TECR: variants seen among roughly 807,000 people sequenced by gnomAD.
TECR encodes very-long-chain enoyl-CoA reductase.
Under a neutral mutation model 50.6 loss-of-function variants are expected in TECR, and 19 were observed. The ratio of observed to expected loss-of-function variants is 0.38; its 90% CI spans 0.26 to 0.55. The LOEUF is 0.55. Ranked by LOEUF, TECR falls within the 20% of genes least tolerant of loss-of-function variation. The pLI is 0.79. For synonymous variants in TECR, 168 were observed against 163.5 expected (o/e 1.03, Z -0.21); for missense variants, 313 against 408.3 (o/e 0.77, Z 2.01).
chr19:14,553,044 G>T (rs189254597), intron 1 of TECR, among the ~76,000 whole-genome samples: 9 of 152,158 alleles, frequency 5.9e-5, no homozygotes, highest in African/African-American at 2.2e-4. Flanking sequence ...TGGGGGGCAG[G>T]CCCAGGGCTG....
chr19:14,552,092 G>A (rs1248977843), intron 1 of TECR, among the ~76,000 whole-genome samples: 2 of 149,938 alleles, frequency 1.3e-5, no homozygotes, highest in Non-Finnish European at 3.0e-5. Flanking sequence ...ATCTACCTTG[G>A]CCTCCCAAAG....
intron 1 of TECR, among the ~76,000 whole-genome samples, chr19:14,534,423 CTTTTTTTTTTTTTTTTT>C (rs756051119): frequency 3.8e-5 from 2 of 52,488 alleles, no homozygotes; most frequent in Middle Eastern, 0.019. Flanking sequence ...CATGCCTGGC[CTTTTTTTTTTTTTTTTT>C]TTTTTTTTTT....
intron 1 of TECR, among the ~76,000 whole-genome samples, chr19:14,547,602 T>C (rs2073348621): frequency 6.6e-6 from 1 of 152,032 alleles, no homozygotes; most frequent in Non-Finnish European, 1.5e-5. Flanking sequence ...CCTCAGGTAA[T>C]CCACCTGCCT....
chr19:14,541,178 G>A (rs897380579), intron 1 of TECR, among the ~76,000 whole-genome samples: 12 of 151,954 alleles, frequency 7.9e-5, no homozygotes, highest in East Asian at 1.9e-4. Flanking sequence ...CAGTCTCACC[G>A]TGTTGCCCAG....
chr19:14,543,022 A>G (rs1336085445), intron 1 of TECR, among the ~76,000 whole-genome samples: 1 of 113,212 alleles, frequency 8.8e-6, no homozygotes, highest in Non-Finnish European at 1.7e-5. Flanking sequence ...GAAAGTGAAC[A>G]GGGATCACTG....
intron 1 of TECR, among the ~76,000 whole-genome samples, chr19:14,536,470 A>G (rs35679991): frequency 0.02 from 3,005 of 152,074 alleles, 85 homozygotes; most frequent in African/African-American, 0.064. Flanking sequence ...GGGTTTCACC[A>G]TATTGGCCAG....
rs1599508551 is a variant in TECR at position 14,565,425 on chromosome 19, G to C, written c.753+135G>C. The C allele has an allele frequency of 3.7e-6, 5 of 1,362,790 alleles. No individual in the cohort carries two copies. The East Asian group carries it at 1.2e-4, about 34-fold the overall frequency. 84.4% of individuals were successfully genotyped at this position (1,362,790 alleles called of 1,614,324 possible). A position where few individuals can be genotyped will look rare whatever the true frequency, so the allele number is the denominator to read the frequency against. On this transcript the variant is annotated intron_variant, in intron 11 of 12. Transcript: ENST00000215567. ...GCGAGCATTGGGAGGTGGAGACCGC[G>C]GCCTCTCTGCTGTGGTGGCGGGGAG... is the stretch of plus-strand genomic sequence containing the variant.
intron 1 of TECR, among the ~76,000 whole-genome samples, chr19:14,535,303 C>T (rs888214908): frequency 6.0e-5 from 9 of 151,008 alleles, no homozygotes; most frequent in Middle Eastern, 3.2e-3. Flanking sequence ...GCCAGGAGAT[C>T]GAGACCATCC....
intron 1 of TECR, among the ~76,000 whole-genome samples, chr19:14,545,410 G>GTCTCCTCTC (rs1555732419): frequency 1.3e-5 from 2 of 148,750 alleles, no homozygotes; most frequent in Non-Finnish European, 1.5e-5. Context: ...TGGGCCCTCT[G>GTCTCCTCTC]CACCGCTGTC....
chr19:14,559,410 T>C (rs1419139445), intron 1 of TECR, among the ~76,000 whole-genome samples: 3 of 152,168 alleles, frequency 2.0e-5, no homozygotes, highest in African/African-American at 7.2e-5. Flanking sequence ...TGCATAGATA[T>C]GGGACCTTTG....
intron 1 of TECR, among the ~76,000 whole-genome samples, chr19:14,547,349 TATTTTA>T (rs1423352501): frequency 2.0e-5 from 2 of 101,066 alleles, no homozygotes; most frequent in Admixed American, 1.1e-4. Flanking sequence ...TGGCCTATTT[TATTTTA>T]TTTTATTTTA....
Position 14,563,902 on chromosome 19 carries a change from C to T in TECR, c.266C>T (p.Thr89Met), listed in dbSNP as rs545666123. The stretch of plus-strand genomic sequence containing the variant: ...CTGGGGGCCCAGATCAGCTGGGTGA[C>T]GGTGAGTCCTGACCCTACCCACGGC... The part of the protein sequence containing the change: ...RDLGAQISWV[T>M]VFLTEYAGPL... Residue 89 changes from threonine to methionine, a missense_variant and splice_region_variant, in exon 5 of 13, where the codon ACG becomes ATG. Thr to Met is a moderately conservative substitution (Grantham distance 81). Transcript: ENST00000215567. The surrounding 1 kb of genome is among the most constrained non-coding windows in gnomAD (Gnocchi z 5.3). The T allele has an allele frequency of 2.0e-5, 33 of 1,614,026 alleles. No individual in the cohort carries two copies. Among genetic ancestry groups the T allele is most frequent in the Admixed American group, 1.3e-4 (8 of 60,008 alleles).
intron 1 of TECR, among the ~76,000 whole-genome samples, chr19:14,540,916 C>T (rs1233096435): frequency 3.3e-5 from 5 of 152,144 alleles, no homozygotes; most frequent in Non-Finnish European, 1.5e-5. Context: ...TTCACTGCAA[C>T]TTCCGCTTTC....
chr19:14,543,685 G>T (rs1356976591), intron 1 of TECR, among the ~76,000 whole-genome samples: 1 of 149,570 alleles, frequency 6.7e-6, no homozygotes, highest in Non-Finnish European at 1.5e-5. Flanking sequence ...TGATCCTCCC[G>T]CCTCGGCCTC....
rs201362591 is a variant in TECR, at chr19:14,562,483, A to G, written c.16-42A>G. On this transcript the variant is annotated intron_variant, in intron 1 of 12. Transcript: ENST00000215567. ...TGGGCTCCCCAGGCCCACACCCCCA[A>G]AGGTGGCCAAGAAACCTAAAAAGGC... 3.6e-5 allele frequency: 58 copies of G among 1,613,736 alleles called. No individual in the cohort carries two copies. In the East Asian group the frequency reaches 1.2e-3, roughly 34 times the overall value.
intron 1 of TECR, among the ~76,000 whole-genome samples, chr19:14,534,552 C>T (rs552025941): frequency 2.5e-4 from 38 of 149,980 alleles, no homozygotes; most frequent in African/African-American, 9.1e-4. Flanking sequence ...TTTCCTGCCT[C>T]AGCCTCCCAA....
chr19:14,558,435 G>A (rs559167046), intron 1 of TECR, among the ~76,000 whole-genome samples: 19 of 152,130 alleles, frequency 1.2e-4, no homozygotes, highest in African/African-American at 4.1e-4. Context: ...GCTTCACGCC[G>A]CACCGTGTGT....
chr19:14,540,861 G>A (rs116815519), intron 1 of TECR, among the ~76,000 whole-genome samples: 25,875 of 152,084 alleles, frequency 0.17, 2,758 homozygotes, highest in South Asian at 0.31. Flanking sequence ...GTTTGAGTTG[G>A]AGTTTTGCTC....
At chr19:14,564,391 C>G (rs1332970090) in intron 7 of TECR, 104 bp downstream of exon 7, 4 of 958,092 alleles carry the variant, frequency 4.2e-6, no homozygotes, top group African/African-American at 3.4e-5. Context: ...TGCCACTACG[C>G]CCCAGCAGAG....
Sources: gnomAD v4.1 joint callset for allele counts (sites outside exome capture counted in the v4.1 genomes callset) on GRCh38, gnomAD v4.1.1 for gene constraint, Gnocchi (gnomAD v3.1) non-coding constraint, MANE v1.5 for transcripts, NCBI Gene and HGNC (gene_info 2026-07-23, HGNC 2026-07-21) for gene names.